KDM3A: variants seen among roughly 807,000 people sequenced by gnomAD.
KDM3A encodes lysine-specific demethylase 3A.
KDM3A carries 60 observed loss-of-function variants against 158.0 expected under a neutral mutation model. That is an observed-to-expected ratio of 0.38 (90% CI 0.31 to 0.47). The LOEUF is 0.47. KDM3A is among the 20% of genes least tolerant of loss of function. The probability of loss-of-function intolerance (pLI) is 0.99; values close to 1 mark genes in which losing one functional copy is unlikely to be tolerated. For synonymous variants in KDM3A, 608 were observed against 549.3 expected, an observed-to-expected ratio of 1.11 and a Z score of -1.49; for missense variants, 1,319 against 1,574.3, an observed-to-expected ratio of 0.84 and a Z score of 2.74.
At chr2:86,489,926 CAAGTTAG>C in intron 23 of KDM3A, 1 of 325,638 alleles carries the variant, frequency 3.1e-6, no homozygotes, top group Non-Finnish European at 5.6e-6. Context: ...TCTCTGCTTT[CAAGTTAG>C]AAGTTAGTTC....
chr2:86,455,526 C>T lies in KDM3A; in HGVS notation c.556+339C>T, dbSNP rs142405230. 5.2e-3 allele frequency among the ~76,000 whole-genome samples: 795 copies of T among 152,052 alleles called. 8 individuals carry two copies. Among genetic ancestry groups the T allele is most frequent in the African/African-American group, 0.017 (710 of 41,484 alleles). On this transcript the variant is annotated intron_variant, in intron 5 of 25. Transcript: ENST00000312912. ...TCTGCCTGCCAAGTGTGAGCCATCA[C>T]GCCGGGCCATTTCTTACTTTTTTTC... is the stretch of plus-strand genomic sequence containing the variant.
intron 15 of KDM3A, chr2:86,479,254 C>T (rs1673809349): frequency 6.5e-6 from 1 of 152,798 alleles, no homozygotes; most frequent in African/African-American, 2.4e-5. Flanking sequence ...CCCACCATCA[C>T]ATGTACGTCT....
At chr2:86,491,895 C>G (rs1157363988) in intron 25 of KDM3A, 144 bp from the exon 26 acceptor site, 1 of 614,586 alleles carries the variant, frequency 1.6e-6, no homozygotes, top group Non-Finnish European at 2.9e-6. Context: ...AGCCCAGGGA[C>G]CTTTTGCAAT....
intron 15 of KDM3A, chr2:86,479,853 G>A (rs555029067): frequency 3.8e-6 from 1 of 259,746 alleles, no homozygotes; most frequent in Non-Finnish European, 7.3e-6. Context: ...GTTCATAGGG[G>A]AGACAGGCAC....
intron 17 of KDM3A, 65 bp from the exon 18 acceptor site, chr2:86,482,393 G>A (rs1673976896): frequency 6.3e-7 from 1 of 1,578,592 alleles, no homozygotes; most frequent in Admixed American, 1.8e-5. Flanking sequence ...ACTCATTATG[G>A]GAATGGAGTT....
intron 2 of KDM3A, among the ~76,000 whole-genome samples, chr2:86,448,056 A>G (rs1350414893): frequency 6.6e-6 from 1 of 152,236 alleles, no homozygotes; most frequent in African/African-American, 2.4e-5. Flanking sequence ...CAGTGATAGA[A>G]AACATATAAC....
chr2:86,451,329 G>C, intron 4 of KDM3A, 116 bp downstream of exon 4: 1 of 588,104 alleles, frequency 1.7e-6, no homozygotes, highest in African/African-American at 1.9e-5. Flanking sequence ...CCTACTCCTT[G>C]CACAGTAAAA....
chr2:86,448,912 ATAATAGG>A (rs1683055550), intron 2 of KDM3A, among the ~76,000 whole-genome samples: 1 of 152,194 alleles, frequency 6.6e-6, no homozygotes, highest in African/African-American at 2.4e-5. Flanking sequence ...TAGCATATTT[ATAATAGG>A]TTAAGGAAGC....
intron 1 of KDM3A, 78 bp from the exon 2 acceptor site, chr2:86,441,940 G>A: frequency 1.1e-6 from 1 of 908,146 alleles, no homozygotes; most frequent in Non-Finnish European, 1.6e-6. Flanking sequence ...GGCGCCCTCC[G>A]CCCGCCCTCC....
At chr2:86,457,415 A>ATGAG (rs1043441856) in intron 8 of KDM3A, among the ~76,000 whole-genome samples, 13 of 152,142 alleles carry the variant, frequency 8.5e-5, no homozygotes, top group Non-Finnish European at 1.6e-4. Flanking sequence ...GATTACAGTC[A>ATGAG]TGAGTGAGCT....
intron 18 of KDM3A, chr2:86,483,082 G>A: frequency 4.9e-6 from 1 of 202,756 alleles, no homozygotes; most frequent in South Asian, 8.8e-5. Flanking sequence ...TGAAAAGCCT[G>A]TGCTGAAGGC....
rs551221346 is a variant in KDM3A at position 86,480,177 on chromosome 2, C to A, written c.2327C>A (p.Ala776Asp). 1.2e-6 allele frequency: 2 copies of A among 1,612,294 alleles called. No homozygotes were observed. Among genetic ancestry groups the A allele is most frequent in the South Asian group, 2.2e-5 (2 of 91,010 alleles). The change falls in exon 16 of 26, where the codon GCT (alanine) becomes GAT (aspartate). Residue 776 changes from alanine to aspartate, a missense_variant. Around this residue, in one of 4 missense-constraint regions of KDM3A, gnomAD observed 368 missense variants for 415.8 expected, o/e 0.89. Coordinates refer to ENST00000312912, the MANE Select transcript of KDM3A (RefSeq NM_018433.6). ...TAATGCTTAACACAGACTTCTTTAGCTGGAGAAAAACCGACTCTTGGTGCA... is the reference window on the plus strand; with the variant it reads ...TAATGCTTAACACAGACTTCTTTAGATGGAGAAAAACCGACTCTTGGTGCA... ...SKEDLKQTSL[A>D]GEKPTLGAVL...
chr2:86,448,396 G>T (rs916067809), intron 2 of KDM3A, among the ~76,000 whole-genome samples: 5 of 152,318 alleles, frequency 3.3e-5, no homozygotes, highest in African/African-American at 1.2e-4. Context: ...ATGCTAACAA[G>T]TATTTGAGTA....
Position 86,492,239 on chromosome 2 carries a change from G to A in KDM3A, c.*120G>A. ...TTTTTAAACTGTACCCAACTTGTGA[G>A]GGTACTCTGTCTAATGTATATTTCT... On this transcript the variant is annotated 3_prime_UTR_variant, in exon 26 of 26. Coordinates refer to ENST00000312912, the MANE Select transcript of KDM3A (RefSeq NM_018433.6). 1.4e-6 allele frequency: 1 copy of A among 709,096 alleles called. No homozygotes were observed. The highest frequency in any genetic ancestry group is 2.2e-5 in the Admixed American group (1 of 44,958). The allele number at this position is 709,096 out of a possible 1,614,324, so 43.9% of individuals were successfully genotyped here.
In KDM3A at chr2:86,457,060, T is replaced by A. The variant is rs773344874; in HGVS notation, c.832T>A (p.Ser278Thr). 11 of 1,586,824 alleles carry A rather than the reference T, an allele frequency of 6.9e-6. No individual in the cohort carries two copies. In the South Asian group the frequency reaches 1.1e-4, roughly 17 times the overall value. Residue 278 changes from serine to threonine, a missense_variant, in exon 8 of 26, where the codon TCT becomes ACT. Coordinates refer to ENST00000312912, the MANE Select transcript of KDM3A (RefSeq NM_018433.6). ...NGTLVSKQAK[S>T]CSEASPSMCP... ...AACCCTGGTTTCCAAACAAGCAAAATCTTGCTCTGAGGTAACCTTTATTTA... is the reference window on the plus strand; with the variant it reads ...AACCCTGGTTTCCAAACAAGCAAAAACTTGCTCTGAGGTAACCTTTATTTA...
intron 12 of KDM3A, among the ~76,000 whole-genome samples, chr2:86,477,522 G>A (rs1673714591): frequency 6.6e-6 from 1 of 152,164 alleles, no homozygotes; most frequent in South Asian, 2.1e-4. Flanking sequence ...TGACTCAGAG[G>A]TTAAGAACCA....
At position 86,491,122 on chromosome 2, in the gene KDM3A, ATTAC is replaced by A; in HGVS notation, c.3751-16_3751-13del. The stretch of plus-strand genomic sequence containing the variant: ...GAACTTTTGGGTTTGTTACTGATAT[ATTAC>A]TTGGTGTTTTTCAGGTTCATAACTT... On this transcript the variant is annotated splice_polypyrimidine_tract_variant and intron_variant, in intron 24 of 25. Coordinates refer to ENST00000312912, the MANE Select transcript of KDM3A (RefSeq NM_018433.6). The A allele has an allele frequency of 6.2e-7, 1 of 1,613,728 alleles. No individual in the cohort carries two copies. Among genetic ancestry groups the A allele is most frequent in the Non-Finnish European group, 8.5e-7 (1 of 1,179,748 alleles).
At chr2:86,439,716 G>A (rs544950528), upstream of KDM3A, among the ~76,000 whole-genome samples, 16 of 152,018 alleles carry the variant, frequency 1.1e-4, no homozygotes, top group Admixed American at 5.9e-4. Flanking sequence ...ATTTCTCATC[G>A]TTCATAGCGT....
intron 25 of KDM3A, 148 bp downstream of exon 25, chr2:86,491,423 T>TAG: frequency 2.8e-6 from 2 of 714,656 alleles, no homozygotes; most frequent in Non-Finnish European, 4.7e-6. Context: ...CTAGTACTAC[T>TAG]ATCTACTTAA....
Sources: allele counts gnomAD v4.1 joint callset (sites outside exome capture counted in the v4.1 genomes callset), GRCh38; gene constraint gnomAD v4.1.1; regional missense constraint gnomAD v4.1.1; transcripts MANE v1.5; gene names NCBI Gene and HGNC (gene_info 2026-07-23, HGNC 2026-07-21).